FAM53A: variants seen among roughly 807,000 people sequenced by gnomAD.
FAM53A encodes family with sequence similarity 53 member A.
FAM53A carries 28 observed loss-of-function variants against 26.6 expected under a neutral mutation model. The ratio of observed to expected loss-of-function variants is 1.05; its 90% CI spans 0.78 to 1.45. The LOEUF (loss-of-function observed/expected upper bound fraction) is 1.45, where lower values mean the gene tolerates loss of function less well. Ranked by LOEUF, FAM53A falls within the 40% of genes most tolerant of loss-of-function variation. The pLI is 0.00. For missense variants in FAM53A, 650 were observed against 575.8 expected (o/e 1.13, Z -1.32); for synonymous variants, 290 against 253.1 (o/e 1.15, Z -1.38).
At chr4:1,607,255 G>A in the FAM53A span, among the ~76,000 whole-genome samples, 2 of 151,962 alleles carry the variant, frequency 1.3e-5, no homozygotes, top group African/African-American at 4.8e-5. Flanking sequence ...TTGACCGCAA[G>A]TGATCCGCCT....
chr4:1,621,580 G>T (rs900163081), intron 1 of FAM53A, among the ~76,000 whole-genome samples: 1 of 152,174 alleles, frequency 6.6e-6, no homozygotes, highest in Non-Finnish European at 1.5e-5. Flanking sequence ...AGCCTCCACA[G>T]CGGGGAGCGA....
chr4:1,665,757 G>A (rs908285255), intron 2 of FAM53A, among the ~76,000 whole-genome samples: 15 of 152,086 alleles, frequency 9.9e-5, no homozygotes, highest in Non-Finnish European at 1.6e-4. Flanking sequence ...TCCCAAGGCC[G>A]AGGCCTACCA....
At chr4:1,620,585 C>G (rs1714985847) in intron 1 of FAM53A, among the ~76,000 whole-genome samples, 1 of 151,432 alleles carries the variant, frequency 6.6e-6, no homozygotes, top group Admixed American at 6.6e-5. Flanking sequence ...ACTTGGGAGG[C>G]TGAACCCAGG....
chr4:1,578,200 T>C, the FAM53A span, among the ~76,000 whole-genome samples: 1 of 152,234 alleles, frequency 6.6e-6, no homozygotes, highest in Non-Finnish European at 1.5e-5. Flanking sequence ...GGTTTTGTTT[T>C]GTGCCAGTCT....
At chr4:1,646,531 A>C (rs940130418) in intron 4 of FAM53A, among the ~76,000 whole-genome samples, 3 of 152,122 alleles carry the variant, frequency 2.0e-5, no homozygotes, top group African/African-American at 7.2e-5. Flanking sequence ...TGGTTTTTCA[A>C]TTTTCACCCA....
At chr4:1,667,078 A>C (rs916752936) in intron 2 of FAM53A, among the ~76,000 whole-genome samples, 4 of 150,082 alleles carry the variant, frequency 2.7e-5, no homozygotes, top group Non-Finnish European at 5.9e-5. Flanking sequence ...CAGTGAGCCG[A>C]GATTGTGCCA....
chr4:1,641,032 G>A lies in FAM53A; in HGVS notation c.*261C>T, dbSNP rs1268506867. On this transcript the variant is annotated 3_prime_UTR_variant, in exon 5 of 5. Transcript: ENST00000308132. ...AGGTGCCGGTGGCAGCCGTGGCCCC[G>A]ACCAGCTCACAGGAAACCTACTCTG... 9.4e-5 allele frequency: 47 copies of A among 500,784 alleles called. No homozygotes were observed. Among genetic ancestry groups the A allele is most frequent in the African/African-American group, 9.2e-4 (38 of 41,128 alleles). The allele number at this position is 500,784 out of a possible 1,614,324, so 31.0% of individuals were successfully genotyped here.
At chr4:1,681,347 C>T (rs1356134975) in intron 1 of FAM53A, among the ~76,000 whole-genome samples, 1 of 152,106 alleles carries the variant, frequency 6.6e-6, no homozygotes, top group Non-Finnish European at 1.5e-5. Context: ...ACCTACCCAC[C>T]TTGTAGGGTC....
rs1276587545 is a variant in FAM53A at position 1,657,423 on chromosome 4, G to C, written c.121C>G (p.Pro41Ala). The change falls in exon 3 of 5, where the codon CCT becomes GCT. Residue 41 changes from proline to alanine, a missense_variant. Physicochemically the swap from Pro to Ala is conservative, Grantham distance 27 (BLOSUM62 -1). Transcript: ENST00000308132. ...AAGTGCTCACCGTTGAGCTCCAAAGGGAACAGACGACCGCTCTTGTTCAGG... is the reference window on the plus strand; with the variant it reads ...AAGTGCTCACCGTTGAGCTCCAAAGCGAACAGACGACCGCTCTTGTTCAGG... ...ETLNKSGRLF[P>A]LELNDQSPWK... 45 of 1,613,624 alleles carry C rather than the reference G, an allele frequency of 2.8e-5. No individual in the cohort carries two copies. Among genetic ancestry groups the C allele is most frequent in the Non-Finnish European group, 3.7e-5 (44 of 1,179,810 alleles).
chr4:1,615,480 C>T (rs993973100), downstream of FAM53A, among the ~76,000 whole-genome samples: 12 of 145,884 alleles, frequency 8.2e-5, no homozygotes, highest in Non-Finnish European at 1.3e-4. Flanking sequence ...CAGGATGCAG[C>T]CACGCCCACC....
At chr4:1,599,060 G>C in the FAM53A span, among the ~76,000 whole-genome samples, 3 of 152,200 alleles carry the variant, frequency 2.0e-5, no homozygotes, top group South Asian at 2.1e-4. The surrounding 1 kb of genome is among the most constrained non-coding windows in gnomAD (Gnocchi z 6.1). Context: ...CAGACCCTTC[G>C]TCACCGAGGC....
chr4:1,640,790 G>T lies in FAM53A; in HGVS notation c.*503C>A. The T allele has an allele frequency of 2.6e-6, 1 of 377,940 alleles. No individual in the cohort carries two copies. Among genetic ancestry groups the T allele is most frequent in the South Asian group, 1.8e-5 (1 of 54,150 alleles). The allele number at this position is 377,940 out of a possible 1,614,324, so 23.4% of individuals were successfully genotyped here. ...CCGGTGGCAGCCATGGCCCCGACCA[G>T]CTCACAGGAAACCTACTCTGTGCCC... On this transcript the variant is annotated 3_prime_UTR_variant, in exon 5 of 5. Transcript: ENST00000308132.
the FAM53A span, among the ~76,000 whole-genome samples, chr4:1,599,925 C>T: frequency 6.6e-6 from 1 of 152,056 alleles, no homozygotes; most frequent in Non-Finnish European, 1.5e-5. The surrounding 1 kb of genome is among the most constrained non-coding windows in gnomAD (Gnocchi z 6.1). Flanking sequence ...CGCCCCTCCC[C>T]CTCCTATTTC....
At chr4:1,671,060 CA>C (rs1714607809) in intron 1 of FAM53A, among the ~76,000 whole-genome samples, 1 of 150,674 alleles carries the variant, frequency 6.6e-6, no homozygotes, top group Non-Finnish European at 1.5e-5. Flanking sequence ...GCGTCAGAGC[CA>C]CCAGCTCACA....
chr4:1,638,490 A>G (rs1046276526), downstream of FAM53A, among the ~76,000 whole-genome samples: 2 of 152,144 alleles, frequency 1.3e-5, no homozygotes, highest in Non-Finnish European at 1.5e-5. Flanking sequence ...GGGCCTCAGG[A>G]GGAGCCTCCA....
chr4:1,608,332 T>C, the FAM53A span, among the ~76,000 whole-genome samples: 1 of 152,108 alleles, frequency 6.6e-6, no homozygotes, highest in Admixed American at 6.5e-5. Context: ...CATGGCCTCC[T>C]GAGAGAGCCC....
intron 1 of FAM53A, among the ~76,000 whole-genome samples, chr4:1,619,734 G>C (rs1714946408): frequency 6.6e-6 from 1 of 151,954 alleles, no homozygotes; most frequent in African/African-American, 2.4e-5. Context: ...AGCTCCATTT[G>C]TACCACTCAG....
chr4:1,603,668 C>T, the FAM53A span, among the ~76,000 whole-genome samples: 1 of 152,220 alleles, frequency 6.6e-6, no homozygotes, highest in Non-Finnish European at 1.5e-5. Flanking sequence ...GACACGGCTC[C>T]CACCAGGTAG....
At chr4:1,602,184 AG>A in the FAM53A span, among the ~76,000 whole-genome samples, 8 of 152,026 alleles carry the variant, frequency 5.3e-5, no homozygotes, top group South Asian at 1.5e-3. Flanking sequence ...GCAGAGATGC[AG>A]GGGGGCCTGG....
Sources: allele counts gnomAD v4.1 joint callset (sites outside exome capture counted in the v4.1 genomes callset), GRCh38; gene constraint gnomAD v4.1.1; non-coding constraint Gnocchi (gnomAD v3.1); transcripts MANE v1.5; gene names NCBI Gene and HGNC (gene_info 2026-07-23, HGNC 2026-07-21).